The following ARID4A variants were observed in gnomAD, a reference collection of about 807,000 sequenced individuals.
ARID4A encodes the protein AT-rich interaction domain 4A.
In ARID4A, 39 loss-of-function variants were observed where a neutral mutation model predicts 148.6. The ratio of observed to expected loss-of-function variants is 0.26; its 90% confidence interval spans 0.20 to 0.34. The LOEUF is 0.34. ARID4A is among the 10% of genes least tolerant of loss of function. The pLI is 1.00. For missense variants in ARID4A, 1,265 were observed against 1,449.1 expected, an observed-to-expected ratio of 0.87 and a Z score of 2.06; for synonymous variants, 475 against 481.2, an observed-to-expected ratio of 0.99 and a Z score of 0.17.
intron 11 of ARID4A, among the ~76,000 whole-genome samples, chr14:58,332,439 CTTTTTCTCTGGCCATACAGGAAGA>C (rs747249930): frequency 6.6e-6 from 1 of 152,038 alleles, no homozygotes; most frequent in Admixed American, 6.5e-5. Context: ...TAAACTAATT[CTTTTTCTCTGGCCATACAGGAAGA>C]TTTTCTTGAG....
intron 23 of ARID4A, among the ~76,000 whole-genome samples, chr14:58,371,560 G>A (rs1290842882): frequency 6.6e-6 from 1 of 152,144 alleles, no homozygotes; most frequent in African/African-American, 2.4e-5. Context: ...ATGGTTCCAT[G>A]TTTATCTCAG....
chr14:58,313,937 GTTCACTGGCACATGTGCCAGT>G, intron 5 of ARID4A, among the ~76,000 whole-genome samples: 1 of 150,030 alleles, frequency 6.7e-6, no homozygotes, highest in Non-Finnish European at 1.5e-5. Context: ...TCCCCACCTG[GTTCACTGGCACATGTGCCAGT>G]TTCCTCTGGC....
At chr14:58,318,855 TAAAC>T (rs764311487) in intron 7 of ARID4A, 50 bp downstream of exon 7, 80 of 1,453,386 alleles carry the variant, frequency 5.5e-5, no homozygotes, top group Non-Finnish European at 6.8e-5. Context: ...ATTATAACCT[TAAAC>T]AAGGGATTTT....
chr14:58,305,314 T>G (rs572477412), intron 4 of ARID4A, among the ~76,000 whole-genome samples: 1 of 152,288 alleles, frequency 6.6e-6, no homozygotes, highest in East Asian at 1.9e-4. Flanking sequence ...TTGCTGTATC[T>G]GAGGTGATGT....
At chr14:58,298,885 C>T (rs1052610315) in intron 1 of ARID4A, among the ~76,000 whole-genome samples, 185 bp downstream of exon 1, 3 of 152,184 alleles carry the variant, frequency 2.0e-5, no homozygotes, top group African/African-American at 4.8e-5. Flanking sequence ...CTGCAGGAAC[C>T]GCCGCCGCAG....
Position 58,317,756 on chromosome 14 carries a change from T to A in ARID4A, c.275-786T>A, listed in dbSNP as rs184149667. Among the ~76,000 whole-genome samples the A allele has an allele frequency of 1.8e-3, 269 of 146,800 alleles. 3 individuals carry two copies. The highest frequency in any genetic ancestry group is 3.4e-3 in the Non-Finnish European group (228 of 66,776). ...CAAGCAATCGTTCCACCATGGCCTC[T>A]CCAGTAGCTGGGACCACAGGCATGA... On this transcript the variant is annotated intron_variant, in intron 5 of 23. Transcript: ENST00000355431.
At chr14:58,353,631 C>T (rs1469171159) in intron 16 of ARID4A, 27 bp from the exon 17 acceptor site, 2 of 1,575,054 alleles carry the variant, frequency 1.3e-6, no homozygotes, top group Non-Finnish European at 1.7e-6. Context: ...TTATTAGTAG[C>T]ATTATCAGTA....
At chr14:58,352,848 T>C (rs1251427613) in intron 16 of ARID4A, among the ~76,000 whole-genome samples, 5 of 152,148 alleles carry the variant, frequency 3.3e-5, no homozygotes, top group Admixed American at 2.6e-4. Flanking sequence ...TATAAAAATA[T>C]TAAAAGTATT....
intron 21 of ARID4A, 119 bp downstream of exon 21, chr14:58,365,741 A>G (rs1452482439): frequency 2.2e-6 from 2 of 891,276 alleles, no homozygotes; most frequent in Non-Finnish European, 3.3e-6. Context: ...TTCATTTAAC[A>G]GTATTATACT....
chr14:58,310,121 T>C (rs2031909418), intron 5 of ARID4A, among the ~76,000 whole-genome samples: 1 of 152,226 alleles, frequency 6.6e-6, no homozygotes, highest in African/African-American at 2.4e-5. Flanking sequence ...ATTTTTTAAA[T>C]GGCCTTCCCT....
chr14:58,340,706 A>G (rs936392925), intron 11 of ARID4A, among the ~76,000 whole-genome samples: 3 of 151,756 alleles, frequency 2.0e-5, no homozygotes, highest in African/African-American at 7.3e-5. Flanking sequence ...GCTGGTCTCG[A>G]ACTCCTGACC....
At chr14:58,337,174 G>A (rs760344394) in intron 11 of ARID4A, among the ~76,000 whole-genome samples, 5 of 144,412 alleles carry the variant, frequency 3.5e-5, no homozygotes, top group Admixed American at 2.1e-4. Context: ...TTATAGGCAT[G>A]AGCCACTGCG....
chr14:58,366,657 T>G (rs926764285), intron 22 of ARID4A, among the ~76,000 whole-genome samples: 1 of 152,208 alleles, frequency 6.6e-6, no homozygotes, highest in African/African-American at 2.4e-5. Flanking sequence ...TTTCTGATCA[T>G]TTAAGTAATA....
intron 5 of ARID4A, among the ~76,000 whole-genome samples, chr14:58,312,367 C>T (rs2032106207): frequency 6.6e-6 from 1 of 151,978 alleles, no homozygotes; most frequent in African/African-American, 2.4e-5. Context: ...CAGGCATATA[C>T]CATCACCCTG....
intron 11 of ARID4A, among the ~76,000 whole-genome samples, chr14:58,344,452 G>C (rs181833890): frequency 2.0e-5 from 3 of 152,086 alleles, no homozygotes; most frequent in Admixed American, 6.5e-5. Context: ...TTTCCTCTTG[G>C]CTAATCTTAG....
rs1255021613 is a variant in ARID4A, at chr14:58,322,980, A to AAAAAATATAT, written c.450-504_450-503insAAAATATATA. Among the ~76,000 whole-genome samples, 8 of 114,284 alleles carry AAAAAATATAT rather than the reference A, an allele frequency of 7.0e-5. No homozygotes were observed. In the East Asian group the frequency reaches 1.9e-3, roughly 28 times the overall value. The allele number at this position is 114,284 out of a possible 152,430, so 75.0% of individuals were successfully genotyped here. On this transcript the variant is annotated intron_variant, in intron 7 of 23. Transcript: ENST00000355431. The stretch of plus-strand genomic sequence containing the variant: ...TCCATTTCCAAAAAAAAAAAAAAAA[A>AAAAAATATAT]ATATATATATATATATATATATATG...
At chr14:58,366,761 G>C (rs1454542021) in intron 22 of ARID4A, 122 bp from the exon 23 acceptor site, 1 of 703,504 alleles carries the variant, frequency 1.4e-6, no homozygotes, top group Admixed American at 3.3e-5. Flanking sequence ...TCAGCTTACT[G>C]TAGGAGATTT....
intron 5 of ARID4A, among the ~76,000 whole-genome samples, chr14:58,313,300 C>T (rs1414392141): frequency 6.6e-6 from 1 of 152,124 alleles, no homozygotes; most frequent in Non-Finnish European, 1.5e-5. Context: ...GATGGAAGTG[C>T]TGGGGGATGG....
At chr14:58,304,068 A>T (rs973060323) in intron 3 of ARID4A, among the ~76,000 whole-genome samples, 1 of 152,156 alleles carries the variant, frequency 6.6e-6, no homozygotes, top group Non-Finnish European at 1.5e-5. Context: ...GCCTAAAAAA[A>T]AAAAAAAGTT....
Sources: allele counts gnomAD v4.1 joint callset (sites outside exome capture counted in the v4.1 genomes callset), GRCh38; gene constraint gnomAD v4.1.1; transcripts MANE v1.5; gene names NCBI Gene and HGNC (gene_info 2026-07-23, HGNC 2026-07-21).